EYS: variants seen among roughly 807,000 people sequenced by gnomAD.
EYS encodes protein eyes shut homolog.
EYS carries 250 observed loss-of-function variants against 282.1 expected under a neutral mutation model. The observed-to-expected ratio is 0.89, with a 90% CI of 0.80 to 0.98. EYS has a LOEUF of 0.98. EYS is among the 50% of genes least tolerant of loss of function. The pLI, the probability that EYS is intolerant of heterozygous loss-of-function variation, is 0.00. For missense variants in EYS, 4,016 were observed against 3,709.0 expected (o/e 1.08, Z -2.15); for synonymous variants, 1,355 against 1,282.9 (o/e 1.06, Z -1.20).
Position 64,066,488 on chromosome 6 carries a change from T to A in EYS, c.6575A>T (p.Asn2192Ile), listed in dbSNP as rs750904267. Residue 2192 changes from asparagine (N) to isoleucine (I), a missense_variant, in exon 33 of 43, where the codon AAT becomes ATT. Physicochemically the swap from Asn to Ile is moderately radical, Grantham distance 149. Coordinates refer to ENST00000503581, the MANE Select transcript of EYS (RefSeq NM_001142800.2). ...NSLNGTILYS[N>I]GNNCGKQFLH... is the part of the protein sequence containing the mutation. The stretch of plus-strand genomic sequence containing the variant: ...AAACTGCTTTCCACAATTATTCCCA[T>A]TACCTTTAAGAAAAAAAGAATATAT... 4.6e-6 allele frequency: 7 copies of A among 1,524,328 alleles called. No individual in the cohort carries two copies. Among genetic ancestry groups the A allele is most frequent in the Non-Finnish European group, 4.4e-6 (5 of 1,125,780 alleles). 94.4% of individuals were successfully genotyped at this position (1,524,328 alleles called of 1,614,324 possible).
intron 29 of EYS, among the ~76,000 whole-genome samples, chr6:64,314,122 C>A (rs1769837257): frequency 7.5e-6 from 1 of 133,152 alleles, no homozygotes; most frequent in African/African-American, 2.8e-5. Context: ...TCAGGAGACC[C>A]ATTTCATGTG....
chr6:64,885,279 A>G (rs1346995647), intron 19 of EYS, among the ~76,000 whole-genome samples: 4 of 151,766 alleles, frequency 2.6e-5, no homozygotes, highest in Non-Finnish European at 3.0e-5. Context: ...ATCTTAGATA[A>G]TATCATTTTA....
At chr6:65,126,925 C>G (rs1775735442) in intron 12 of EYS, among the ~76,000 whole-genome samples, 1 of 152,094 alleles carries the variant, frequency 6.6e-6, no homozygotes, top group African/African-American at 2.4e-5. Flanking sequence ...TGACCTGAGG[C>G]TCTTTTGGAT....
At chr6:64,569,026 G>GAAAAAAAAAAAA (rs4034162) in intron 26 of EYS, among the ~76,000 whole-genome samples, 1 of 101,722 alleles carries the variant, frequency 9.8e-6, no homozygotes, top group African/African-American at 3.9e-5. Context: ...AGATGGAAAA[G>GAAAAAAAAAAAA]AAAAAAAAAA....
At chr6:63,976,864 C>T (rs1302752716) in intron 35 of EYS, among the ~76,000 whole-genome samples, 1 of 151,390 alleles carries the variant, frequency 6.6e-6, no homozygotes, top group Non-Finnish European at 1.5e-5. Flanking sequence ...TCTTTTATAA[C>T]CAAAAAAATT....
intron 19 of EYS, among the ~76,000 whole-genome samples, chr6:64,854,644 A>G (rs1016139663): frequency 3.3e-5 from 5 of 151,658 alleles, no homozygotes; most frequent in African/African-American, 1.2e-4. Flanking sequence ...CTAATGTTAA[A>G]TGACGAGTTA....
At chr6:63,894,670 C>T (rs184117405) in intron 35 of EYS, among the ~76,000 whole-genome samples, 38 of 152,048 alleles carry the variant, frequency 2.5e-4, no homozygotes, top group Non-Finnish European at 4.7e-4. Flanking sequence ...CAACCTCTGC[C>T]TCCTGGGTTC....
intron 22 of EYS, among the ~76,000 whole-genome samples, chr6:64,655,146 A>G (rs62417977): frequency 0.11 from 16,882 of 152,166 alleles, 1,116 homozygotes; most frequent in East Asian, 0.16. Context: ...ACTCCAAGAA[A>G]GGTGATCAAG....
intron 12 of EYS, among the ~76,000 whole-genome samples, chr6:65,244,170 C>T (rs1767122189): frequency 6.6e-6 from 1 of 152,134 alleles, no homozygotes. Context: ...TTTAAGGACA[C>T]ATGAACAGAT....
At chr6:65,217,494 C>T (rs1452058688) in intron 12 of EYS, among the ~76,000 whole-genome samples, 2 of 151,998 alleles carry the variant, frequency 1.3e-5, no homozygotes, top group Non-Finnish European at 2.9e-5. Context: ...ATTTGTCAAA[C>T]ACTCTTCTAG....
intron 35 of EYS, among the ~76,000 whole-genome samples, chr6:63,949,371 C>T (rs1055886554): frequency 9.9e-5 from 15 of 152,096 alleles, no homozygotes; most frequent in Admixed American, 9.8e-4. Flanking sequence ...AGGTTATCTT[C>T]CTGCCATACT....
intron 12 of EYS, among the ~76,000 whole-genome samples, chr6:65,272,187 T>C (rs1169224191): frequency 6.6e-6 from 1 of 152,206 alleles, no homozygotes; most frequent in African/African-American, 2.4e-5. Context: ...CACTGAGATC[T>C]TTGCTTCTTA....
intron 19 of EYS, among the ~76,000 whole-genome samples, chr6:64,876,754 T>A (rs947498201): frequency 3.3e-5 from 5 of 151,992 alleles, no homozygotes; most frequent in Non-Finnish European, 7.4e-5. Flanking sequence ...CAGAAAAGCA[T>A]GCTATCAGAG....
intron 28 of EYS, among the ~76,000 whole-genome samples, chr6:64,405,328 TG>T (rs1396890148): frequency 1.3e-5 from 2 of 152,194 alleles, no homozygotes; most frequent in Non-Finnish European, 2.9e-5. Context: ...GAGTTTGTTT[TG>T]TTCTGGTTTG....
chr6:64,700,641 A>T (rs1770750574), intron 22 of EYS, among the ~76,000 whole-genome samples: 1 of 152,038 alleles, frequency 6.6e-6, no homozygotes, highest in Non-Finnish European at 1.5e-5. Context: ...TAAAATATTA[A>T]AGTAACTAGG....
intron 33 of EYS, among the ~76,000 whole-genome samples, chr6:64,026,910 G>A (rs942026913): frequency 1.3e-5 from 2 of 152,320 alleles, no homozygotes; most frequent in East Asian, 3.9e-4. Context: ...ACCTGGGGAA[G>A]TTTTCAGATG....
intron 22 of EYS, among the ~76,000 whole-genome samples, chr6:64,654,636 G>A (rs1218487952): frequency 6.6e-6 from 1 of 152,140 alleles, no homozygotes; most frequent in African/African-American, 2.4e-5. Flanking sequence ...TGTGATTTTA[G>A]TTACAACACC....
intron 26 of EYS, among the ~76,000 whole-genome samples, chr6:64,485,715 G>C (rs1365875861): frequency 1.3e-5 from 2 of 151,490 alleles, no homozygotes; most frequent in African/African-American, 2.4e-5. Context: ...AATGAAGCAT[G>C]TCATATACTC....
chr6:65,684,970 C>T (rs1407076532), intron 1 of EYS, among the ~76,000 whole-genome samples: 1 of 151,924 alleles, frequency 6.6e-6, no homozygotes, highest in African/African-American at 2.4e-5. Flanking sequence ...TTAACTCCAA[C>T]TTATGAATGA....
Sources: allele counts gnomAD v4.1 joint callset (sites outside exome capture counted in the v4.1 genomes callset), GRCh38; gene constraint gnomAD v4.1.1; transcripts MANE v1.5; gene names NCBI Gene and HGNC (gene_info 2026-07-23, HGNC 2026-07-21).